MSH3: variants seen among roughly 807,000 people sequenced by gnomAD.
The protein encoded by MSH3 is DNA mismatch repair protein Msh3.
MSH3 carries 106 observed loss-of-function variants against 123.3 expected under a neutral mutation model. The ratio of observed to expected loss-of-function variants is 0.86; its 90% CI spans 0.73 to 1.01. The LOEUF is 1.01. Among genes scored for constraint, MSH3 ranks in the 50% least tolerant of loss-of-function variants. MSH3 has a pLI of 0.00. For missense variants in MSH3, 1,459 were observed against 1,347.6 expected, an observed-to-expected ratio of 1.08 and a Z score of -1.29; for synonymous variants, 515 against 481.4, an observed-to-expected ratio of 1.07 and a Z score of -0.91.
At chr5:80,693,736 C>T (rs1456458826) in intron 8 of MSH3, among the ~76,000 whole-genome samples, 1 of 152,098 alleles carries the variant, frequency 6.6e-6, no homozygotes, top group African/African-American at 2.4e-5. Flanking sequence ...TGGCCCACTG[C>T]AACCTCCATC....
At chr5:80,690,255 A>T (rs932687683) in intron 8 of MSH3, among the ~76,000 whole-genome samples, 1 of 152,014 alleles carries the variant, frequency 6.6e-6, no homozygotes, top group Admixed American at 6.6e-5. Context: ...CCACAGTATG[A>T]CTTAAGTGGT....
chr5:80,832,294 CAG>C (rs1418502767), intron 20 of MSH3, among the ~76,000 whole-genome samples: 1 of 151,948 alleles, frequency 6.6e-6, no homozygotes, highest in Non-Finnish European at 1.5e-5. Context: ...TTAATGGATA[CAG>C]AGTTTCTCTT....
At chr5:80,850,843 T>C (rs1580089534) in intron 20 of MSH3, among the ~76,000 whole-genome samples, 1 of 152,342 alleles carries the variant, frequency 6.6e-6, no homozygotes, top group East Asian at 1.9e-4. Flanking sequence ...TTTCCTTATG[T>C]GTCCTCAAAT....
chr5:80,833,179 C>G (rs975966296), intron 20 of MSH3, among the ~76,000 whole-genome samples: 1 of 152,024 alleles, frequency 6.6e-6, no homozygotes, highest in Non-Finnish European at 1.5e-5. Flanking sequence ...AGCTGCCACT[C>G]CTAAAAATAT....
intron 17 of MSH3, among the ~76,000 whole-genome samples, chr5:80,783,962 C>A (rs1744452992): frequency 6.6e-6 from 1 of 152,054 alleles, no homozygotes; most frequent in Admixed American, 6.6e-5. Context: ...GTAATCCCAG[C>A]ACTTTCGGAG....
chr5:80,689,498 G>C lies in MSH3; in HGVS notation c.1340+10405G>C, dbSNP rs547640633. Among the ~76,000 whole-genome samples the C allele has an allele frequency of 2.6e-5, 4 of 152,188 alleles. No individual in the cohort carries two copies. In the East Asian group the frequency reaches 7.7e-4, roughly 29 times the overall value. On this transcript the variant is annotated intron_variant, in intron 8 of 23. Transcript: ENST00000265081. Reference sequence around the variant, plus strand: ...TCACTTAAATTAGTTTTATTATAATGTGACTTAAATATTTATAAACTGAAA... The same window carrying C: ...TCACTTAAATTAGTTTTATTATAATCTGACTTAAATATTTATAAACTGAAA...
chr5:80,844,149 A>G (rs567316224), intron 20 of MSH3, among the ~76,000 whole-genome samples: 1 of 151,870 alleles, frequency 6.6e-6, no homozygotes, highest in African/African-American at 2.4e-5. Context: ...CCTTCATTTC[A>G]TTATGTACCC....
rs761425066 is a variant in MSH3, at chr5:80,672,227, C to G, written c.793-17C>G. On this transcript the variant is annotated splice_polypyrimidine_tract_variant and intron_variant, in intron 4 of 23. Transcript: ENST00000265081. ...TAAAATATAAATTTATTGATATTTT[C>G]TTTTTTCATTTTTTAGATTGCAGCC... 1.2e-5 allele frequency: 19 copies of G among 1,539,554 alleles called. No homozygotes were observed. The African/African-American group carries it at 2.5e-4, about 20-fold the overall frequency.
intron 8 of MSH3, among the ~76,000 whole-genome samples, chr5:80,704,689 C>A (rs745365478): frequency 6.6e-6 from 1 of 152,094 alleles, no homozygotes; most frequent in Non-Finnish European, 1.5e-5. Context: ...AACTTTTAGA[C>A]CTTTTCAAAT....
chr5:80,751,758 A>G (rs1418619838), intron 12 of MSH3, among the ~76,000 whole-genome samples: 2 of 152,182 alleles, frequency 1.3e-5, no homozygotes, highest in Non-Finnish European at 2.9e-5. Context: ...TCCAAATAAG[A>G]TAACATTTTG....
intron 16 of MSH3, among the ~76,000 whole-genome samples, chr5:80,777,479 T>C (rs998881618): frequency 6.6e-6 from 1 of 152,282 alleles, no homozygotes; most frequent in South Asian, 2.1e-4. Flanking sequence ...AACTGAAATA[T>C]CTCCCTAAAT....
intron 22 of MSH3, among the ~76,000 whole-genome samples, chr5:80,872,478 A>G (rs1403852044): frequency 1.3e-5 from 2 of 151,938 alleles, no homozygotes; most frequent in African/African-American, 4.8e-5. Flanking sequence ...CAGAAACATA[A>G]AAAGGAGAAA....
At chr5:80,692,689 GATAAATATACATACAC>G (rs1750331942) in intron 8 of MSH3, among the ~76,000 whole-genome samples, 8 of 135,434 alleles carry the variant, frequency 5.9e-5, no homozygotes, top group Non-Finnish European at 1.6e-5. Flanking sequence ...TGTTTATATA[GATAAATATACATACAC>G]ATGTATATGT....
At chr5:80,755,457 T>G (rs1163488766) in intron 12 of MSH3, among the ~76,000 whole-genome samples, 1 of 152,160 alleles carries the variant, frequency 6.6e-6, no homozygotes, top group African/African-American at 2.4e-5. Flanking sequence ...TCTTTCTCCA[T>G]CTTTATGCCT....
At position 80,744,573 on chromosome 5, in the gene MSH3, G is replaced by A. The variant is rs776668872; in HGVS notation, c.1721G>A (p.Arg574Gln). ...CACACTAAAACTTCATTTGGGAGAC[G>A]GAAGTTAAAGAAGTGGGTGACCCAG... ...LDHTKTSFGR[R>Q]KLKKWVTQPL... Residue 574 changes from arginine (R) to glutamine (Q), a missense_variant, in exon 12 of 24, where the codon CGG becomes CAG. Arg to Gln is a conservative substitution (Grantham distance 43, BLOSUM62 1). Coordinates refer to ENST00000265081, the MANE Select transcript of MSH3 (RefSeq NM_002439.5). The A allele has an allele frequency of 1.9e-5, 30 of 1,613,656 alleles. 1 individual carries two copies. The highest frequency in any genetic ancestry group is 5.3e-5 in the African/African-American group (4 of 74,898).
At position 80,654,905 on chromosome 5, in the gene MSH3, G is replaced by GCCGCGGCGC. The variant is rs1749209899; in HGVS notation, c.182_183insGGCGCCCGC (p.Ala61_Pro63dup). ...TGCAGCGGCTGCAGCGGCCGCAGCG[G>GCCGCGGCGC]CCGCAGCGCCCCCAGCGCCCCCAGC... On this transcript the variant is annotated inframe_insertion, in exon 1 of 24. Transcript: ENST00000265081. The GCCGCGGCGC allele has an allele frequency of 4.7e-6, 7 of 1,494,402 alleles. No homozygotes were observed. Among genetic ancestry groups the GCCGCGGCGC allele is most frequent in the African/African-American group, 1.9e-5 (1 of 51,624 alleles). 92.6% of individuals were successfully genotyped at this position (1,494,402 alleles called of 1,614,324 possible).
chr5:80,659,233 CAAA>C (rs34613891), intron 2 of MSH3, among the ~76,000 whole-genome samples: 6 of 135,628 alleles, frequency 4.4e-5, no homozygotes, highest in Non-Finnish European at 8.0e-5. Context: ...GATTCTGTCT[CAAA>C]AAAAAAAAAA....
intron 10 of MSH3, among the ~76,000 whole-genome samples, chr5:80,730,896 T>TATA (rs62886360): frequency 4.3e-3 from 289 of 67,108 alleles, no homozygotes; most frequent in East Asian, 0.029. Context: ...ATATATATAT[T>TATA]TTTTTTTTTT....
intron 15 of MSH3, among the ~76,000 whole-genome samples, chr5:80,770,140 T>C (rs764896257): frequency 7.2e-5 from 11 of 152,324 alleles, no homozygotes; most frequent in South Asian, 2.1e-4. Flanking sequence ...TATGCAGTCA[T>C]GACCTTGCAA....
Sources: allele counts gnomAD v4.1 joint callset (sites outside exome capture counted in the v4.1 genomes callset), GRCh38; gene constraint gnomAD v4.1.1; transcripts MANE v1.5; gene names NCBI Gene and HGNC (gene_info 2026-07-23, HGNC 2026-07-21).